ITPRID1: variants seen among roughly 807,000 people sequenced by gnomAD.
ITPRID1 encodes protein ITPRID1.
Under a neutral mutation model 95.4 loss-of-function variants are expected in ITPRID1, and 96 were observed. That is an observed-to-expected ratio of 1.01 (90% CI 0.85 to 1.19). The LOEUF (loss-of-function observed/expected upper bound fraction) is 1.19. ITPRID1 is among the 50% of genes most tolerant of loss of function. The probability of loss-of-function intolerance (pLI) is 0.00; values close to 1 mark genes in which losing one functional copy is unlikely to be tolerated. For synonymous variants in ITPRID1, 510 were observed against 453.6 expected (o/e 1.12, Z -1.58); for missense variants, 1,339 against 1,252.9 (o/e 1.07, Z -1.04).
chr7:31,540,520 A>G (rs1783900591), intron 1 of ITPRID1, among the ~76,000 whole-genome samples: 1 of 152,220 alleles, frequency 6.6e-6, no homozygotes, highest in South Asian at 2.1e-4. Flanking sequence ...TTTGAAACAC[A>G]ATTTTCTCTC....
Position 31,654,423 on chromosome 7 carries a change from TC to T in ITPRID1, c.*1596del, listed in dbSNP as rs1331990320. ...CAAGTCTTTGCATCTGAATCCTTTT[TC>T]CAAGGGTAATGGAAAGCCACTGTGG... On this transcript the variant is annotated 3_prime_UTR_variant, in exon 15 of 15. Coordinates refer to ENST00000615280, the MANE Select transcript of ITPRID1 (RefSeq NM_001257967.3). Among the ~76,000 whole-genome samples the T allele has an allele frequency of 2.0e-5, 3 of 152,314 alleles. No homozygotes were observed. In the East Asian group the frequency reaches 5.8e-4, roughly 29 times the overall value.
intron 10 of ITPRID1, among the ~76,000 whole-genome samples, chr7:31,632,340 TGA>T (rs1297465677): frequency 6.6e-6 from 1 of 152,010 alleles, no homozygotes; most frequent in Non-Finnish European, 1.5e-5. Flanking sequence ...CCCAGCTACT[TGA>T]GAGGCTGAAA....
intron 10 of ITPRID1, among the ~76,000 whole-genome samples, chr7:31,638,601 C>A (rs1789708111): frequency 6.6e-6 from 1 of 152,012 alleles, no homozygotes; most frequent in South Asian, 2.1e-4. Context: ...CATGATTTTT[C>A]CTTTCAATAC....
rs1207903110 is a variant in ITPRID1 at position 31,578,133 on chromosome 7, C to T, written c.869C>T (p.Pro290Leu). 4.3e-6 allele frequency: 7 copies of T among 1,613,726 alleles called. No homozygotes were observed. Among genetic ancestry groups the T allele is most frequent in the Non-Finnish European group, 5.9e-6 (7 of 1,179,792 alleles). The change falls in exon 9 of 15, where the codon CCA becomes CTA. Residue 290 changes from proline to leucine, a missense_variant. Pro to Leu is a moderately conservative substitution (Grantham distance 98). Transcript: ENST00000615280. ...GAAGTTTTTGTTCCCTTTACAAAACCATGGGATTGTGGAGCAGAGCTAGCA... is the reference window on the plus strand; with the variant it reads ...GAAGTTTTTGTTCCCTTTACAAAACTATGGGATTGTGGAGCAGAGCTAGCA... ...KDEVFVPFTK[P>L]WDCGAELAAT...
At chr7:31,570,276 T>C (rs1784939486) in intron 6 of ITPRID1, among the ~76,000 whole-genome samples, 1 of 152,182 alleles carries the variant, frequency 6.6e-6, no homozygotes, top group South Asian at 2.1e-4. Flanking sequence ...AACACCAGCA[T>C]TAGCATTGTG....
chr7:31,616,156 T>TTCTTACAGTTTTCAAGAATTA (rs1448173996), intron 10 of ITPRID1, among the ~76,000 whole-genome samples: 3 of 151,994 alleles, frequency 2.0e-5, no homozygotes, highest in African/African-American at 7.3e-5. Context: ...ATTATTGGAA[T>TTCTTACAGTTTTCAAGAATTA]TCTTACAGTT....
rs188993436 is a variant in ITPRID1 at position 31,588,678 on chromosome 7, A to G, written c.1228+5487A>G. ...TATGAGTTAAAAAAAATCAGAATATAAAATTTGAGGAAATGATAATAGCTG... is the reference window on the plus strand; with the variant it reads ...TATGAGTTAAAAAAAATCAGAATATGAAATTTGAGGAAATGATAATAGCTG... On this transcript the variant is annotated intron_variant, in intron 10 of 14. Transcript: ENST00000615280. 1.1e-3 allele frequency among the ~76,000 whole-genome samples: 162 copies of G among 151,824 alleles called. 1 individual carries two copies. Among genetic ancestry groups the G allele is most frequent in the Middle Eastern group, 6.8e-3 (2 of 292 alleles).
At chr7:31,524,364 G>A (rs1341206779) in intron 1 of ITPRID1, among the ~76,000 whole-genome samples, 1 of 152,182 alleles carries the variant, frequency 6.6e-6, no homozygotes, top group African/African-American at 2.4e-5. Flanking sequence ...GAGTGTCTTA[G>A]AAAACTTTCC....
intron 10 of ITPRID1, among the ~76,000 whole-genome samples, chr7:31,605,630 G>A (rs1786589431): frequency 6.6e-6 from 1 of 152,208 alleles, no homozygotes; most frequent in Admixed American, 6.5e-5. Flanking sequence ...GAGCAAATGA[G>A]GCATACCAGT....
intron 5 of ITPRID1, among the ~76,000 whole-genome samples, chr7:31,555,650 G>A (rs967955140): frequency 6.6e-6 from 1 of 152,094 alleles, no homozygotes; most frequent in Non-Finnish European, 1.5e-5. Context: ...TTTCAAAATG[G>A]ATGAAATATT....
chr7:31,657,366 G>C (rs959784530), downstream of ITPRID1, among the ~76,000 whole-genome samples: 24 of 152,142 alleles, frequency 1.6e-4, no homozygotes, highest in African/African-American at 5.8e-4. Flanking sequence ...TTCTGTCTGC[G>C]TTATACATTG....
chr7:31,583,258 AT>A, intron 10 of ITPRID1, 67 bp downstream of exon 10: 1 of 1,068,124 alleles, frequency 9.4e-7, no homozygotes, highest in South Asian at 1.3e-5. Context: ...TGGTATTTAA[AT>A]TTCTTAATAT....
intron 10 of ITPRID1, among the ~76,000 whole-genome samples, chr7:31,638,846 A>G (rs35394205): frequency 0.16 from 24,382 of 152,078 alleles, 2,376 homozygotes; most frequent in East Asian, 0.3. Context: ...ACCCAATCTC[A>G]GCTTACTACA....
intron 10 of ITPRID1, among the ~76,000 whole-genome samples, chr7:31,634,446 T>A (rs568105022): frequency 6.6e-6 from 1 of 152,156 alleles, no homozygotes; most frequent in Admixed American, 6.5e-5. Context: ...ACAAGTAACA[T>A]AGTATTACCA....
At chr7:31,562,475 G>A (rs1337744124) in intron 5 of ITPRID1, among the ~76,000 whole-genome samples, 3 of 152,084 alleles carry the variant, frequency 2.0e-5, no homozygotes, top group African/African-American at 7.2e-5. Context: ...CTTTTCAAAA[G>A]GAATTTGTTT....
chr7:31,577,076 T>C (rs78785480), intron 8 of ITPRID1, among the ~76,000 whole-genome samples: 1 of 152,280 alleles, frequency 6.6e-6, no homozygotes, highest in African/African-American at 2.4e-5. Flanking sequence ...GATGAGCTGG[T>C]TTGTTTTGAA....
At chr7:31,639,939 GATC>G (rs1408147034) in intron 10 of ITPRID1, among the ~76,000 whole-genome samples, 2 of 152,032 alleles carry the variant, frequency 1.3e-5, no homozygotes, top group Non-Finnish European at 2.9e-5. Flanking sequence ...CCTCATAATG[GATC>G]ATATGTTCCT....
chr7:31,572,038 C>A, intron 6 of ITPRID1, 64 bp from the exon 7 acceptor site: 1 of 1,046,604 alleles, frequency 9.6e-7, no homozygotes, highest in Non-Finnish European at 1.4e-6. Context: ...AAAAGATTCA[C>A]AATGACCTCC....
chr7:31,550,377 C>T (rs1190682614), intron 2 of ITPRID1, among the ~76,000 whole-genome samples: 1 of 152,098 alleles, frequency 6.6e-6, no homozygotes, highest in African/African-American at 2.4e-5. Context: ...GAGGATTCCT[C>T]TTGGGGACAA....
Sources: allele counts gnomAD v4.1 joint callset (sites outside exome capture counted in the v4.1 genomes callset), GRCh38; gene constraint gnomAD v4.1.1; transcripts MANE v1.5; gene names NCBI Gene and HGNC (gene_info 2026-07-23, HGNC 2026-07-21).